Variants in KLRG2 observed in about 807,000 individuals in gnomAD.
The protein encoded by KLRG2 is killer cell lectin like receptor G2.
In KLRG2, 39 loss-of-function variants were observed where a neutral mutation model predicts 35.4. The ratio of observed to expected loss-of-function variants is 1.10; its 90% CI spans 0.85 to 1.44. KLRG2 has a LOEUF of 1.44. KLRG2 is among the 40% of genes most tolerant of loss of function. KLRG2 has a pLI of 0.00. For synonymous variants in KLRG2, 283 were observed against 265.8 expected (o/e 1.06, Z -0.63); for missense variants, 632 against 570.9 (o/e 1.11, Z -1.09).
chr7:139,429,587 G>A, the KLRG2 span, among the ~76,000 whole-genome samples: 1 of 151,368 alleles, frequency 6.6e-6, no homozygotes, highest in East Asian at 1.9e-4. Flanking sequence ...TAACGAGCAT[G>A]CTGCCTTCAA....
intron 3 of KLRG2, among the ~76,000 whole-genome samples, chr7:139,464,769 T>G (rs1796621884): frequency 6.6e-6 from 1 of 152,268 alleles, no homozygotes; most frequent in Non-Finnish European, 1.5e-5. Context: ...TTCATGTCTG[T>G]GTGTGGCAGC....
the KLRG2 span, among the ~76,000 whole-genome samples, chr7:139,440,840 A>C: frequency 2.6e-5 from 4 of 152,232 alleles, no homozygotes; most frequent in Admixed American, 6.5e-5. Flanking sequence ...GACACAATTC[A>C]ATCTATAACA....
Position 139,482,961 on chromosome 7 carries a change from TCTCCAGCCCCAG to T in KLRG2, c.670_681del (p.Leu224_Glu227del), listed in dbSNP as rs755400829. 3.4e-6 allele frequency: 5 copies of T among 1,461,956 alleles called. No individual in the cohort carries two copies. Among genetic ancestry groups the T allele is most frequent in the Non-Finnish European group, 8.9e-7 (1 of 1,118,378 alleles). The allele number at this position is 1,461,956 out of a possible 1,614,324, so 90.6% of individuals were successfully genotyped here. On this transcript the variant is annotated inframe_deletion, in exon 1 of 5. Transcript: ENST00000340940. ...CGGGGCAACAGCGCCGCATCCTCCT[TCTCCAGCCCCAG>T]CTCCTTGCAGCGGCAGCACGTGGGG...
chr7:139,478,933 A>AT (rs1796904427), intron 3 of KLRG2, among the ~76,000 whole-genome samples: 1 of 152,076 alleles, frequency 6.6e-6, no homozygotes, highest in Admixed American at 6.5e-5. Context: ...GATTAAAAAC[A>AT]TAAGTGCTTG....
chr7:139,461,610 T>A (rs1417194368), intron 3 of KLRG2, among the ~76,000 whole-genome samples: 1 of 152,104 alleles, frequency 6.6e-6, no homozygotes, highest in Non-Finnish European at 1.5e-5. Context: ...CTTGTGAAAT[T>A]CCTTCTCCTG....
rs528354012 is a variant in KLRG2, at chr7:139,478,068, T to C, written c.1005+1559A>G. ...CCACTGTGCCCGGCCCACAATTTTT[T>C]TAAATGGGGAAAAAAAAAAGCCAGG... On this transcript the variant is annotated intron_variant, in intron 3 of 4. Coordinates refer to ENST00000340940, the MANE Select transcript of KLRG2 (RefSeq NM_198508.4). Among the ~76,000 whole-genome samples, 347 of 147,566 alleles carry C rather than the reference T, an allele frequency of 2.4e-3. 3 individuals carry two copies. The highest frequency in any genetic ancestry group is 7.8e-3 in the African/African-American group (318 of 40,920).
At chr7:139,449,307 AG>A, downstream of KLRG2, among the ~76,000 whole-genome samples, 1 of 149,374 alleles carries the variant, frequency 6.7e-6, no homozygotes, top group African/African-American at 2.5e-5. Context: ...AGGCTGAGGC[AG>A]GCGAATCACT....
Position 139,454,098 on chromosome 7 carries a change from C to A in KLRG2, c.1109+13G>T, listed in dbSNP as rs963047231. The A allele has an allele frequency of 6.9e-7, 1 of 1,448,108 alleles. No individual in the cohort carries two copies. The highest frequency in any genetic ancestry group is 2.0e-5 in the Admixed American group (1 of 50,724). The allele number at this position is 1,448,108 out of a possible 1,614,324, so 89.7% of individuals were successfully genotyped here. On this transcript the variant is annotated intron_variant, in intron 4 of 4. Coordinates refer to ENST00000340940, the MANE Select transcript of KLRG2 (RefSeq NM_198508.4). ...GAACAGCAGAGGAGGGAGAAAAGCCCGTGGTCACTCACAGCTGGGGCGGGA... is the reference window on the plus strand; with the variant it reads ...GAACAGCAGAGGAGGGAGAAAAGCCAGTGGTCACTCACAGCTGGGGCGGGA...
chr7:139,451,828 G>A (rs368108612), downstream of KLRG2, among the ~76,000 whole-genome samples: 263 of 152,210 alleles, frequency 1.7e-3, 3 homozygotes, highest in Middle Eastern at 0.034. Flanking sequence ...CATTTCTCCA[G>A]GCACAGATCC....
At chr7:139,454,079 C>G (rs1165227824) in intron 4 of KLRG2, 32 bp downstream of exon 4, 9 of 1,224,164 alleles carry the variant, frequency 7.4e-6, no homozygotes, top group Non-Finnish European at 1.1e-5. Context: ...TCCAGAACAG[C>G]AGAGGAGGGA....
At chr7:139,465,691 C>CAAA (rs573464243) in intron 3 of KLRG2, among the ~76,000 whole-genome samples, 7,817 of 94,180 alleles carry the variant, frequency 0.083, 317 homozygotes, top group Non-Finnish European at 0.13. Context: ...GACTCTGTCT[C>CAAA]AAAAAAAAAA....
Position 139,459,710 on chromosome 7 carries a change from C to G in KLRG2, c.1006-5496G>C, listed in dbSNP as rs574484869. On this transcript the variant is annotated intron_variant, in intron 3 of 4. Coordinates refer to ENST00000340940, the MANE Select transcript of KLRG2 (RefSeq NM_198508.4). ...GAACATTTAGAAAATAAATGTTATT[C>G]CTGGTTACACAGTAATCTGTGCTCA... 2.0e-5 allele frequency among the ~76,000 whole-genome samples: 3 copies of G among 152,266 alleles called. No individual in the cohort carries two copies. The South Asian group carries it at 6.2e-4, about 32-fold the overall frequency.
chr7:139,450,130 C>A (rs1399948114), downstream of KLRG2, among the ~76,000 whole-genome samples: 1 of 151,742 alleles, frequency 6.6e-6, no homozygotes, highest in Admixed American at 6.6e-5. Context: ...GCAACCTCTG[C>A]CTCCCGGGTT....
the KLRG2 span, among the ~76,000 whole-genome samples, chr7:139,430,685 C>T: frequency 1.3e-5 from 2 of 152,072 alleles, no homozygotes; most frequent in African/African-American, 2.4e-5. Context: ...CAGCTGTATT[C>T]ATAAGAGCGG....
chr7:139,453,784 G>A (rs557988825), intron 4 of KLRG2, 77 bp from the exon 5 acceptor site: 26 of 1,551,126 alleles, frequency 1.7e-5, no homozygotes, highest in African/African-American at 9.5e-5. Flanking sequence ...ACCCTCCAGC[G>A]TGTGTGCCTG....
intron 3 of KLRG2, among the ~76,000 whole-genome samples, chr7:139,457,408 T>A (rs1796495974): frequency 6.6e-6 from 1 of 152,102 alleles, no homozygotes; most frequent in African/African-American, 2.4e-5. Context: ...ATATGCAAAT[T>A]CTGGCTCCAT....
chr7:139,454,286 G>GTGGAAGCCCCA, intron 3 of KLRG2, 72 bp from the exon 4 acceptor site: 2 of 753,360 alleles, frequency 2.7e-6, no homozygotes, highest in African/African-American at 1.8e-5. Flanking sequence ...CGGATTCCCT[G>GTGGAAGCCCCA]GGGCTTCCAC....
the KLRG2 span, among the ~76,000 whole-genome samples, chr7:139,427,208 G>T: frequency 2.6e-5 from 4 of 152,218 alleles, no homozygotes; most frequent in South Asian, 4.1e-4. Context: ...GCAGGGGTCT[G>T]TCAGCAGAGT....
At chr7:139,452,422 A>C (rs1172213022), downstream of KLRG2, among the ~76,000 whole-genome samples, 1 of 152,208 alleles carries the variant, frequency 6.6e-6, no homozygotes, top group Non-Finnish European at 1.5e-5. Flanking sequence ...CACGTTCTGC[A>C]CATGTACCCC....
Sources: gnomAD v4.1 joint callset for allele counts (sites outside exome capture counted in the v4.1 genomes callset) on GRCh38, gnomAD v4.1.1 for gene constraint, MANE v1.5 for transcripts, NCBI Gene and HGNC (gene_info 2026-07-23, HGNC 2026-07-21) for gene names.